Variants in SLC7A6 observed in about 807,000 individuals in gnomAD.
The protein encoded by SLC7A6 is Y+L amino acid transporter 2.
Under a neutral mutation model 46.6 loss-of-function variants are expected in SLC7A6, and 29 were observed. The observed-to-expected ratio is 0.62, with a 90% confidence interval of 0.46 to 0.85. The LOEUF (loss-of-function observed/expected upper bound fraction) is 0.85. Among genes scored for constraint, SLC7A6 ranks in the 40% least tolerant of loss-of-function variants. The probability of loss-of-function intolerance (pLI) is 0.00; values close to 1 mark genes in which losing one functional copy is unlikely to be tolerated. For synonymous variants in SLC7A6, 276 were observed against 257.3 expected (o/e 1.07, Z -0.70); for missense variants, 527 against 647.6 (o/e 0.81, Z 2.02).
chr16:68,300,757 T>G lies in SLC7A6; in HGVS notation c.*3429T>G. On this transcript the variant is annotated 3_prime_UTR_variant, in exon 11 of 11. Coordinates refer to ENST00000219343, the MANE Select transcript of SLC7A6 (RefSeq NM_003983.6). ...AAGCAGAAATAGCTGTTAACTAAAA[T>G]CTCCCACTGCTCAGACTACTTTCTG... 1.0e-6 allele frequency: 1 copy of G among 985,464 alleles called. No individual in the cohort carries two copies. The highest frequency in any genetic ancestry group is 1.2e-6 in the Non-Finnish European group (1 of 829,960). 61.0% of individuals were successfully genotyped at this position (985,464 alleles called of 1,614,324 possible).
chr16:68,272,439 AAG>A (rs374331421), intron 2 of SLC7A6, among the ~76,000 whole-genome samples: 1 of 152,022 alleles, frequency 6.6e-6, no homozygotes, highest in Admixed American at 6.6e-5. Flanking sequence ...TTGAATAAAA[AAG>A]AGAGAGAGAG....
chr16:68,296,274 T>A, intron 8 of SLC7A6, 90 bp from the exon 9 acceptor site: 1 of 1,421,736 alleles, frequency 7.0e-7, no homozygotes, highest in Non-Finnish European at 9.8e-7. Flanking sequence ...TGAAGTGGCA[T>A]CAGATCTAGT....
intron 7 of SLC7A6, chr16:68,292,459 T>C (rs1305151177): frequency 6.6e-6 from 1 of 152,244 alleles, no homozygotes; most frequent in Non-Finnish European, 1.5e-5. Context: ...CCTCTCCACT[T>C]AGGAGAGACA....
chr16:68,296,723 G>C lies in SLC7A6; in HGVS notation c.1366G>C (p.Gly456Arg). The change falls in exon 10 of 11, where the codon GGG (glycine) becomes CGG (arginine). Residue 456 changes from glycine (G) to arginine (R), a missense_variant. By Grantham distance (125) the Gly-to-Arg change is moderately radical. Transcript: ENST00000219343. Reference protein sequence around the residue: ...TDTINSLIGIGIALSGVPFYF... With the variant: ...TDTINSLIGIRIALSGVPFYF... ...CACCATTAATTCCCTCATTGGCATC[G>C]GGATTGCCCTTTCTGGAGTCCCTTT... 6.2e-7 allele frequency: 1 copy of C among 1,614,154 alleles called. No individual in the cohort carries two copies. Among genetic ancestry groups the C allele is most frequent in the Admixed American group, 1.7e-5 (1 of 60,022 alleles).
At chr16:68,292,561 C>T (rs1006920559) in intron 7 of SLC7A6, 2 of 152,164 alleles carry the variant, frequency 1.3e-5, no homozygotes, top group African/African-American at 4.8e-5. Context: ...TGGGGTCTCA[C>T]TATGTTGCCC....
intron 3 of SLC7A6, among the ~76,000 whole-genome samples, chr16:68,279,606 T>G (rs1472380692): frequency 6.6e-6 from 1 of 152,210 alleles, no homozygotes; most frequent in Non-Finnish European, 1.5e-5. Context: ...TGGCTCAATC[T>G]TGGCTCACTG....
chr16:68,273,327 T>G (rs756591374), intron 2 of SLC7A6, among the ~76,000 whole-genome samples: 8 of 152,168 alleles, frequency 5.3e-5, no homozygotes, highest in Non-Finnish European at 1.2e-4. Context: ...GCCGATCCTG[T>G]TCCTATTGCT....
chr16:68,292,546 G>C (rs956027301), intron 7 of SLC7A6: 2 of 151,928 alleles, frequency 1.3e-5, no homozygotes, highest in African/African-American at 4.8e-5. Context: ...ATTTTTTTTA[G>C]AGATTGGGGT....
chr16:68,267,206 A>ATTTT (rs1189220005), intron 2 of SLC7A6, among the ~76,000 whole-genome samples: 20 of 87,662 alleles, frequency 2.3e-4, no homozygotes, highest in African/African-American at 5.9e-4. Context: ...ATTGTGGTGG[A>ATTTT]TTTTTTTTTT....
At chr16:68,279,164 C>T (rs1299034108) in intron 3 of SLC7A6, among the ~76,000 whole-genome samples, 1 of 103,238 alleles carries the variant, frequency 9.7e-6, no homozygotes, top group Non-Finnish European at 1.9e-5. Flanking sequence ...AGCAAGACCC[C>T]ACCTCTAAAA....
At position 68,290,231 on chromosome 16, in the gene SLC7A6, CTTG is replaced by C. The variant is rs1264028488; in HGVS notation, c.650-162_650-160del. 1.9e-4 allele frequency: 127 copies of C among 664,224 alleles called. No homozygotes were observed. The East Asian group carries it at 3.4e-3, about 18-fold the overall frequency. 41.1% of individuals were successfully genotyped at this position (664,224 alleles called of 1,614,324 possible). On this transcript the variant is annotated intron_variant, in intron 4 of 10. Transcript: ENST00000219343. The stretch of plus-strand genomic sequence containing the variant: ...TGTTTTTTTTTCTTTCCCCTGCCTT[CTTG>C]TTTTTTCTTTCTTGTTCCTCCCCAT...
rs184593773 is a variant in SLC7A6 at position 68,292,087 on chromosome 16, A to G, written c.1022+426A>G. On this transcript the variant is annotated intron_variant, in intron 7 of 10. Transcript: ENST00000219343. Reference sequence around the variant, plus strand: ...AACAGCTTGGAGTGGTGACTTGGGCAGGGACCAGATTCTAGGCTCCTTGTG... The same window carrying G: ...AACAGCTTGGAGTGGTGACTTGGGCGGGGACCAGATTCTAGGCTCCTTGTG... 105 of 162,558 alleles carry G rather than the reference A, an allele frequency of 6.5e-4. No homozygotes were observed. In the East Asian group the frequency reaches 0.018, roughly 28 times the overall value. The allele number at this position is 162,558 out of a possible 1,614,324, so 10.1% of individuals were successfully genotyped here.
rs994249061 is a variant in SLC7A6 at position 68,299,507 on chromosome 16, G to T, written c.*2179G>T. 2 of 152,614 alleles carry T rather than the reference G, an allele frequency of 1.3e-5. No individual in the cohort carries two copies. Among genetic ancestry groups the T allele is most frequent in the Non-Finnish European group, 2.9e-5 (2 of 68,056 alleles). 9.5% of individuals were successfully genotyped at this position (152,614 alleles called of 1,614,324 possible). A position where few individuals can be genotyped will look rare whatever the true frequency, so the allele number is the denominator to read the frequency against. ...ATCCCTACAGCACTCAAGCTTCATG[G>T]TGGAATTAATTTCTGCCAGCTCTTT... On this transcript the variant is annotated 3_prime_UTR_variant, in exon 11 of 11. Transcript: ENST00000219343.
chr16:68,294,635 C>T (rs2043125737), intron 7 of SLC7A6, 70 bp from the exon 8 acceptor site: 8 of 1,143,268 alleles, frequency 7.0e-6, no homozygotes, highest in Non-Finnish European at 1.1e-5. Context: ...TGAGTTTGTC[C>T]AAGTGAGGAG....
At chr16:68,286,283 G>A (rs2042931280) in intron 3 of SLC7A6, among the ~76,000 whole-genome samples, 1 of 152,086 alleles carries the variant, frequency 6.6e-6, no homozygotes, top group Admixed American at 6.6e-5. Flanking sequence ...ATGTGGTTCA[G>A]GAGAGAAAGA....
chr16:68,276,227 G>A (rs888703592), intron 3 of SLC7A6, among the ~76,000 whole-genome samples: 3 of 152,240 alleles, frequency 2.0e-5, no homozygotes, highest in African/African-American at 4.8e-5. Flanking sequence ...GAACCTGAGA[G>A]ATCTCAGTTG....
In SLC7A6 at chr16:68,274,726, C is replaced by A. The variant is rs2042678434; in HGVS notation, c.-1C>A. 2 of 1,613,774 alleles carry A rather than the reference C, an allele frequency of 1.2e-6. No homozygotes were observed. Among genetic ancestry groups the A allele is most frequent in the African/African-American group, 1.3e-5 (1 of 74,920 alleles). On this transcript the variant is annotated 5_prime_UTR_variant, in exon 3 of 11. Transcript: ENST00000219343. Reference sequence around the variant, plus strand: ...ACACAGGTGTGCAGGAACCGTTTGTCATGGAAGCCAGGGAGCCTGGGAGGC... The same window carrying A: ...ACACAGGTGTGCAGGAACCGTTTGTAATGGAAGCCAGGGAGCCTGGGAGGC...
At chr16:68,282,696 C>A (rs969858533) in intron 3 of SLC7A6, among the ~76,000 whole-genome samples, 6 of 151,888 alleles carry the variant, frequency 4.0e-5, no homozygotes, top group Admixed American at 2.0e-4. Context: ...TGGCTCATTG[C>A]AACCTCTGCC....
At chr16:68,282,374 G>T (rs2042844178) in intron 3 of SLC7A6, among the ~76,000 whole-genome samples, 1 of 152,190 alleles carries the variant, frequency 6.6e-6, no homozygotes, top group East Asian at 1.9e-4. Flanking sequence ...TTCATGACCA[G>T]CCTGGGCAAC....
Sources: allele counts gnomAD v4.1 joint callset (sites outside exome capture counted in the v4.1 genomes callset), GRCh38; gene constraint gnomAD v4.1.1; transcripts MANE v1.5; gene names NCBI Gene and HGNC (gene_info 2026-07-23, HGNC 2026-07-21).